ITPR2: variants seen among roughly 807,000 people sequenced by gnomAD.
The protein encoded by ITPR2 is inositol 1,4,5-trisphosphate-gated calcium channel ITPR2.
A neutral mutation model predicts 317.1 loss-of-function variants in ITPR2; 207 were observed. The observed-to-expected ratio is 0.65, with a 90% confidence interval of 0.58 to 0.73. ITPR2 has a LOEUF of 0.73. Ranked by LOEUF, ITPR2 falls within the 30% of genes least tolerant of loss-of-function variation. The pLI is 0.00. For missense variants in ITPR2, 2,613 were observed against 3,284.0 expected, an observed-to-expected ratio of 0.80 and a Z score of 4.99; for synonymous variants, 1,156 against 1,149.1, an observed-to-expected ratio of 1.01 and a Z score of -0.12.
chr12:26,654,777 C>T (rs1036991550), intron 20 of ITPR2, among the ~76,000 whole-genome samples: 2 of 152,172 alleles, frequency 1.3e-5, no homozygotes, highest in Non-Finnish European at 2.9e-5. Flanking sequence ...TACAGAAAGG[C>T]CCACATGGCA....
At chr12:26,617,727 G>GA (rs879305280) in intron 26 of ITPR2, among the ~76,000 whole-genome samples, 13,085 of 106,452 alleles carry the variant, frequency 0.12, 515 homozygotes, top group East Asian at 0.29. Context: ...AAGGAGGAAG[G>GA]GAGGGAGGGA....
intron 49 of ITPR2, among the ~76,000 whole-genome samples, chr12:26,420,162 C>G (rs1940845961): frequency 6.6e-6 from 1 of 152,064 alleles, no homozygotes; most frequent in Non-Finnish European, 1.5e-5. Context: ...CTATTTAGTT[C>G]TAGAATCACT....
intron 26 of ITPR2, among the ~76,000 whole-genome samples, chr12:26,608,038 G>A (rs1268635432): frequency 1.3e-5 from 2 of 152,112 alleles, no homozygotes; most frequent in Non-Finnish European, 2.9e-5. Flanking sequence ...GGAGAATGGC[G>A]TGAATCCGGG....
intron 1 of ITPR2, among the ~76,000 whole-genome samples, chr12:26,820,974 G>T (rs561680840): frequency 1.5e-3 from 227 of 152,256 alleles, no homozygotes; most frequent in Non-Finnish European, 2.1e-3. Flanking sequence ...AGGGGCTGGG[G>T]TAAGGAGAGA....
intron 45 of ITPR2, among the ~76,000 whole-genome samples, chr12:26,466,816 A>G (rs1326974042): frequency 6.6e-6 from 1 of 152,214 alleles, no homozygotes; most frequent in African/African-American, 2.4e-5. Flanking sequence ...TATTCTTGGT[A>G]CAACATTCTA....
chr12:26,793,428 C>T (rs896499249), intron 1 of ITPR2, among the ~76,000 whole-genome samples: 5 of 152,184 alleles, frequency 3.3e-5, no homozygotes, highest in Non-Finnish European at 4.4e-5. Flanking sequence ...TTTCTGGGGA[C>T]GAGGACTGTG....
At chr12:26,811,737 C>T (rs1950753396) in intron 1 of ITPR2, among the ~76,000 whole-genome samples, 1 of 150,926 alleles carries the variant, frequency 6.6e-6, no homozygotes, top group Non-Finnish European at 1.5e-5. Flanking sequence ...ACCTGTAGTC[C>T]CAGCTGCTCA....
rs750064132 is a variant in ITPR2 at position 26,654,106 on chromosome 12, A to G, written c.2610T>C (p.Asn870=). ...LTFEVVHLAR[N]LIYFGFYSFS... ...AACTATAAAATCCAAAGTATATAAG[A>G]TTCCGAGCCAAGTGGACCACCTTAA... is the stretch of plus-strand genomic sequence containing the variant. Residue 870 remains asparagine, a synonymous_variant, in exon 21 of 57, where the codon AAT becomes AAC. Transcript: ENST00000381340. 12 of 917,562 alleles carry G rather than the reference A, an allele frequency of 1.3e-5. No individual in the cohort carries two copies. In the South Asian group the frequency reaches 1.6e-4, roughly 12 times the overall value. The allele number at this position is 917,562 out of a possible 1,614,324, so 56.8% of individuals were successfully genotyped here.
intron 2 of ITPR2, among the ~76,000 whole-genome samples, chr12:26,784,362 C>T (rs1445063042): frequency 8.5e-6 from 1 of 117,616 alleles, no homozygotes; most frequent in African/African-American, 3.0e-5. Flanking sequence ...TCTCCCTCTC[C>T]CTCCACGGTC....
In ITPR2 at chr12:26,534,979, G is replaced by T. The variant is rs115098912; in HGVS notation, c.5073+15268C>A. Among the ~76,000 whole-genome samples, 153 of 152,284 alleles carry T rather than the reference G, an allele frequency of 1.0e-3. 1 individual carries two copies. Among genetic ancestry groups the T allele is most frequent in the African/African-American group, 3.6e-3 (148 of 41,576 alleles). On this transcript the variant is annotated intron_variant, in intron 37 of 56. Transcript: ENST00000381340. Reference sequence around the variant, plus strand: ...TTCTGGTGTTCTACTGCACAGCAAGGTGACTATGGTTAACTCTACTGTATA... The same window carrying T: ...TTCTGGTGTTCTACTGCACAGCAAGTTGACTATGGTTAACTCTACTGTATA...
chr12:26,427,797 A>G (rs927615839), intron 49 of ITPR2, 116 bp downstream of exon 49: 1 of 627,906 alleles, frequency 1.6e-6, no homozygotes, highest in Non-Finnish European at 2.3e-6. Flanking sequence ...ATTTAGATTT[A>G]TAATAAATTA....
At chr12:26,404,769 T>C (rs1940294207) in intron 52 of ITPR2, among the ~76,000 whole-genome samples, 2 of 152,016 alleles carry the variant, frequency 1.3e-5, no homozygotes, top group African/African-American at 2.4e-5. Context: ...AAGGAAAAGA[T>C]TTCAGATGTA....
Position 26,833,119 on chromosome 12 carries a change from C to T in ITPR2, c.-338G>A. On this transcript the variant is annotated 5_prime_UTR_variant, in exon 1 of 57. Coordinates refer to ENST00000381340, the MANE Select transcript of ITPR2 (RefSeq NM_002223.4). ...CTTTGCTCCTCCTCCTCCTCCTTCC[C>T]TCTCCGCTCCCCACTCCGTGTCCAC... 1 of 268,310 alleles carries T rather than the reference C, an allele frequency of 3.7e-6. No individual in the cohort carries two copies. The highest frequency in any genetic ancestry group is 7.0e-6 in the Non-Finnish European group (1 of 142,824). The allele number at this position is 268,310 out of a possible 1,614,324, so 16.6% of individuals were successfully genotyped here. A position where few individuals can be genotyped will look rare whatever the true frequency, so the allele number is the denominator to read the frequency against.
At chr12:26,731,866 T>G (rs566744504) in intron 2 of ITPR2, among the ~76,000 whole-genome samples, 396 of 152,312 alleles carry the variant, frequency 2.6e-3, no homozygotes, top group Non-Finnish European at 4.4e-3. Flanking sequence ...GAGGAATGCA[T>G]TCATTAGCTG....
At chr12:26,442,754 C>T (rs974549534) in intron 46 of ITPR2, among the ~76,000 whole-genome samples, 1 of 152,082 alleles carries the variant, frequency 6.6e-6, no homozygotes, top group African/African-American at 2.4e-5. Flanking sequence ...GTAAACAATA[C>T]AGTGTAGGGG....
chr12:26,354,425 C>G (rs1218977791), intron 55 of ITPR2, among the ~76,000 whole-genome samples: 1 of 152,026 alleles, frequency 6.6e-6, no homozygotes, highest in African/African-American at 2.4e-5. Flanking sequence ...ATGATGAAAC[C>G]TTAAAATTAC....
intron 34 of ITPR2, among the ~76,000 whole-genome samples, chr12:26,572,099 T>C (rs892323450): frequency 6.6e-6 from 1 of 152,232 alleles, no homozygotes. Flanking sequence ...TTGTTCTGTT[T>C]AATATTAAAA....
At chr12:26,782,486 T>C (rs529567029) in intron 2 of ITPR2, among the ~76,000 whole-genome samples, 43 of 152,252 alleles carry the variant, frequency 2.8e-4, no homozygotes, top group African/African-American at 1.0e-3. Flanking sequence ...AGGAAAAGGA[T>C]TAGATTCAAT....
chr12:26,471,064 A>T (rs530779074), intron 45 of ITPR2, among the ~76,000 whole-genome samples: 13 of 152,272 alleles, frequency 8.5e-5, no homozygotes, highest in African/African-American at 2.9e-4. Context: ...ATTAAATATA[A>T]CCAATCAGAG....
Sources: allele counts gnomAD v4.1 joint callset (sites outside exome capture counted in the v4.1 genomes callset), GRCh38; gene constraint gnomAD v4.1.1; transcripts MANE v1.5; gene names NCBI Gene and HGNC (gene_info 2026-07-23, HGNC 2026-07-21).